SEMA5A: variants seen among roughly 807,000 people sequenced by gnomAD.
The protein encoded by SEMA5A is semaphorin 5A.
In SEMA5A, 55 loss-of-function variants were observed where a neutral mutation model predicts 135.5. The ratio of observed to expected loss-of-function variants is 0.41; its 90% confidence interval spans 0.33 to 0.51. The LOEUF is 0.51. Ranked by LOEUF, SEMA5A falls within the 20% of genes least tolerant of loss-of-function variation. The probability of loss-of-function intolerance (pLI) is 0.37; values close to 1 mark genes in which losing one functional copy is unlikely to be tolerated. For missense variants in SEMA5A, 1,290 were observed against 1,419.9 expected (o/e 0.91, Z 1.47); for synonymous variants, 580 against 546.5 (o/e 1.06, Z -0.85).
intron 2 of SEMA5A, among the ~76,000 whole-genome samples, chr5:9,434,048 A>T (rs533854176): frequency 6.6e-6 from 1 of 152,358 alleles, no homozygotes; most frequent in South Asian, 2.1e-4. Context: ...ACTCAGGTGT[A>T]TGAAGTCTCC....
chr5:9,061,554 G>C (rs567589649), intron 18 of SEMA5A, among the ~76,000 whole-genome samples: 1 of 152,232 alleles, frequency 6.6e-6, no homozygotes, highest in African/African-American at 2.4e-5. Context: ...GCAGGAAGTG[G>C]GAAGTTCTGG....
At chr5:9,447,804 CTT>C (rs1758489945) in intron 1 of SEMA5A, among the ~76,000 whole-genome samples, 1 of 152,144 alleles carries the variant, frequency 6.6e-6, no homozygotes, top group African/African-American at 2.4e-5. Flanking sequence ...AATGTAATGA[CTT>C]ATTTTTTTCA....
At chr5:9,217,543 CA>C (rs1235222027) in intron 8 of SEMA5A, among the ~76,000 whole-genome samples, 1 of 152,178 alleles carries the variant, frequency 6.6e-6, no homozygotes, top group Admixed American at 6.5e-5. Flanking sequence ...GCCTCTCTAG[CA>C]AAGTTGGGGA....
rs575783979 is a variant in SEMA5A at position 9,204,958 on chromosome 5, C to G, written c.647-2718G>C. Among the ~76,000 whole-genome samples the G allele has an allele frequency of 6.6e-6, 1 of 152,172 alleles. No individual in the cohort carries two copies. The highest frequency in any genetic ancestry group is 1.5e-5 in the Non-Finnish European group (1 of 68,022). ...TAATGCCTGATGATCTGAGGCAGAA[C>G]AGTTTCATCCCTAAACCATCCCCTC... On this transcript the variant is annotated intron_variant, in intron 8 of 22. Coordinates refer to ENST00000382496, the MANE Select transcript of SEMA5A (RefSeq NM_003966.3). The surrounding 1 kb of genome is among the most constrained non-coding windows in gnomAD (Gnocchi z 6.4).
At chr5:9,524,586 C>T (rs1370832885) in intron 1 of SEMA5A, among the ~76,000 whole-genome samples, 1 of 152,124 alleles carries the variant, frequency 6.6e-6, no homozygotes, top group African/African-American at 2.4e-5. Flanking sequence ...AGACTTCTGG[C>T]CTCCAGAACT....
At chr5:9,213,470 G>A (rs2150392190) in intron 8 of SEMA5A, among the ~76,000 whole-genome samples, 2 of 152,316 alleles carry the variant, frequency 1.3e-5, no homozygotes, top group South Asian at 4.1e-4. Flanking sequence ...TCTGAAATAA[G>A]GTGGTGAGGC....
intron 2 of SEMA5A, among the ~76,000 whole-genome samples, chr5:9,386,303 T>G (rs988475683): frequency 4.6e-5 from 7 of 152,326 alleles, no homozygotes; most frequent in South Asian, 4.1e-4. Context: ...TGGGGTCCAG[T>G]GCATGATTGT....
intron 8 of SEMA5A, among the ~76,000 whole-genome samples, chr5:9,214,186 G>C (rs1746490727): frequency 6.6e-6 from 1 of 152,198 alleles, no homozygotes; most frequent in Non-Finnish European, 1.5e-5. Flanking sequence ...GCTCCTTAAA[G>C]GACACCAAGC....
At chr5:9,267,512 G>C (rs913932714) in intron 5 of SEMA5A, among the ~76,000 whole-genome samples, 39 of 151,994 alleles carry the variant, frequency 2.6e-4, no homozygotes, top group Non-Finnish European at 3.1e-4. Flanking sequence ...TTCTTAACTG[G>C]TTTCCACATT....
intron 1 of SEMA5A, chr5:9,511,865 G>A (rs993478141): frequency 1.3e-5 from 2 of 152,068 alleles, no homozygotes; most frequent in Admixed American, 6.6e-5. Flanking sequence ...ATGAATTCCT[G>A]TTAACAACTA....
intron 1 of SEMA5A, chr5:9,522,671 T>A (rs390748): frequency 6.6e-6 from 1 of 152,068 alleles, no homozygotes; most frequent in African/African-American, 2.4e-5. Context: ...ATGAATGATT[T>A]TAACCTGGAA....
chr5:9,476,184 C>T (rs186242662), intron 1 of SEMA5A, among the ~76,000 whole-genome samples: 7 of 151,972 alleles, frequency 4.6e-5, no homozygotes, highest in South Asian at 2.1e-4. Flanking sequence ...GTTTTTTCCA[C>T]GATTAAAAAT....
At chr5:9,349,717 C>G (rs1235442801) in intron 3 of SEMA5A, among the ~76,000 whole-genome samples, 2 of 151,988 alleles carry the variant, frequency 1.3e-5, no homozygotes. Context: ...CTGGCTAACA[C>G]AGTGAATCCC....
At chr5:9,291,766 T>C (rs1008242019) in intron 5 of SEMA5A, among the ~76,000 whole-genome samples, 1 of 151,906 alleles carries the variant, frequency 6.6e-6, no homozygotes, top group Non-Finnish European at 1.5e-5. Context: ...AAGTTCTTTT[T>C]TTTTTTTTTT....
rs575301382 is a variant in SEMA5A, at chr5:9,201,317, A to C, written c.932+638T>G. ...AGAGTGAAAGAGATCAGAAAACTTCATAAGCTTAAGACAGCCGAAATATTG... is the reference window on the plus strand; with the variant it reads ...AGAGTGAAAGAGATCAGAAAACTTCCTAAGCTTAAGACAGCCGAAATATTG... On this transcript the variant is annotated intron_variant, in intron 9 of 22. Transcript: ENST00000382496. 1.4e-4 allele frequency among the ~76,000 whole-genome samples: 21 copies of C among 152,352 alleles called. 1 individual carries two copies. In the South Asian group the frequency reaches 4.1e-3, roughly 30 times the overall value.
chr5:9,145,266 CTCTT>C (rs1163499275), intron 12 of SEMA5A, among the ~76,000 whole-genome samples: 2 of 152,186 alleles, frequency 1.3e-5, no homozygotes, highest in African/African-American at 4.8e-5. Context: ...TAGCCTCTCT[CTCTT>C]TATCTCCAAT....
chr5:9,156,044 T>C (rs1446701763), intron 11 of SEMA5A, among the ~76,000 whole-genome samples: 3 of 152,152 alleles, frequency 2.0e-5, no homozygotes, highest in Non-Finnish European at 4.4e-5. Flanking sequence ...GGGGAAGATT[T>C]TAAAATGATC....
intron 5 of SEMA5A, among the ~76,000 whole-genome samples, chr5:9,289,393 G>A (rs1750958905): frequency 6.6e-6 from 1 of 152,036 alleles, no homozygotes; most frequent in African/African-American, 2.4e-5. Context: ...TAACTGAAGT[G>A]GACAACTCAA....
intron 15 of SEMA5A, among the ~76,000 whole-genome samples, chr5:9,117,942 A>G (rs890662447): frequency 6.6e-6 from 1 of 152,204 alleles, no homozygotes; most frequent in African/African-American, 2.4e-5. Flanking sequence ...CTGTTAGTCA[A>G]AAGGAGTGAA....
Sources: allele counts gnomAD v4.1 joint callset (sites outside exome capture counted in the v4.1 genomes callset), GRCh38; gene constraint gnomAD v4.1.1; non-coding constraint Gnocchi (gnomAD v3.1); transcripts MANE v1.5; gene names NCBI Gene and HGNC (gene_info 2026-07-23, HGNC 2026-07-21).